ZYG11B: variants seen among roughly 807,000 people sequenced by gnomAD.
The protein encoded by ZYG11B is zyg-11 family member B, cell cycle regulator.
Under a neutral mutation model 82.4 loss-of-function variants are expected in ZYG11B, and 36 were observed. That is an observed-to-expected ratio of 0.44 (90% CI 0.33 to 0.58). The LOEUF (loss-of-function observed/expected upper bound fraction) is 0.58, where lower values mean the gene tolerates loss of function less well. Ranked by LOEUF, ZYG11B falls within the 20% of genes least tolerant of loss-of-function variation. The pLI is 0.02. For synonymous variants in ZYG11B, 303 were observed against 312.8 expected (o/e 0.97, Z 0.33); for missense variants, 552 against 895.6 (o/e 0.62, Z 4.90).
intron 8 of ZYG11B, 114 bp downstream of exon 8, chr1:52,796,898 AAT>A (rs1645011813): frequency 2.8e-5 from 3 of 108,476 alleles, no homozygotes; most frequent in Admixed American, 1.7e-4. Context: ...TATAATATAT[AAT>A]TATATATATA....
intron 2 of ZYG11B, among the ~76,000 whole-genome samples, chr1:52,767,869 C>T (rs1425828432): frequency 6.6e-6 from 1 of 152,180 alleles, no homozygotes; most frequent in Non-Finnish European, 1.5e-5. Context: ...AGCAGGGAAG[C>T]AGGTAGAGAA....
chr1:52,750,562 C>T (rs1202808146), intron 1 of ZYG11B, among the ~76,000 whole-genome samples: 2 of 152,168 alleles, frequency 1.3e-5, no homozygotes, highest in Non-Finnish European at 2.9e-5. Flanking sequence ...TGTGAGCCAT[C>T]GTGCCTGACT....
rs1558140686 is a variant in ZYG11B at position 52,803,267 on chromosome 1, CACACACACACACAT to C, written c.1695+1130_1695+1143del. Among the ~76,000 whole-genome samples, 166 of 78,560 alleles carry C rather than the reference CACACACACACACAT, an allele frequency of 2.1e-3. 8 individuals carry two copies. The highest frequency in any genetic ancestry group is 0.011 in the African/African-American group (151 of 13,606). 51.5% of individuals were successfully genotyped at this position (78,560 alleles called of 152,430 possible). A position where few individuals can be genotyped will look rare whatever the true frequency, so the allele number is the denominator to read the frequency against. On this transcript the variant is annotated intron_variant, in intron 10 of 13. Transcript: ENST00000294353. ...ACACACACATATATATATATATATA[CACACACACACACAT>C]ATATATATATATATATACACATATA...
At chr1:52,768,739 G>A (rs534027188) in intron 2 of ZYG11B, among the ~76,000 whole-genome samples, 36 of 151,856 alleles carry the variant, frequency 2.4e-4, no homozygotes, top group South Asian at 8.3e-4. Flanking sequence ...TATTACAGGC[G>A]CGCACCACCA....
intron 2 of ZYG11B, among the ~76,000 whole-genome samples, chr1:52,764,619 G>A (rs1477993918): frequency 6.6e-6 from 1 of 152,062 alleles, no homozygotes; most frequent in Non-Finnish European, 1.5e-5. Flanking sequence ...ATTTAAATAA[G>A]ACAATGAATG....
intron 8 of ZYG11B, 48 bp from the exon 9 acceptor site, chr1:52,801,771 A>T: frequency 6.8e-7 from 1 of 1,474,452 alleles, no homozygotes; most frequent in East Asian, 2.3e-5. Flanking sequence ...CACAAATTGT[A>T]ATAACAGTTC....
intron 3 of ZYG11B, among the ~76,000 whole-genome samples, chr1:52,776,076 G>A (rs1026541099): frequency 6.7e-6 from 1 of 148,620 alleles, no homozygotes; most frequent in African/African-American, 2.5e-5. Flanking sequence ...AAAATTAGCC[G>A]GGCGTGGTGG....
At chr1:52,805,091 CA>C (rs57893615) in intron 10 of ZYG11B, 3,200 of 112,070 alleles carry the variant, frequency 0.029, 90 homozygotes, top group African/African-American at 0.085. Context: ...AACTCTGTCT[CA>C]AAAAAAAAAA....
intron 7 of ZYG11B, 27 bp from the exon 8 acceptor site, chr1:52,796,707 T>C (rs1645009160): frequency 1.9e-6 from 3 of 1,586,114 alleles, no homozygotes; most frequent in Admixed American, 1.8e-5. Context: ...TTCTTGGACA[T>C]TGAATTTGTT....
At chr1:52,785,605 C>T (rs1571777660) in intron 5 of ZYG11B, among the ~76,000 whole-genome samples, 1 of 152,072 alleles carries the variant, frequency 6.6e-6, no homozygotes, top group South Asian at 2.1e-4. Flanking sequence ...TACAGGCGCG[C>T]ACCACCACAC....
At chr1:52,799,227 T>C (rs12096330) in intron 8 of ZYG11B, among the ~76,000 whole-genome samples, 16,384 of 151,744 alleles carry the variant, frequency 0.11, 1,971 homozygotes, top group East Asian at 0.35. Context: ...GTGGGTCACA[T>C]CTGTAATGCC....
At chr1:52,794,742 T>C (rs566364563) in intron 6 of ZYG11B, among the ~76,000 whole-genome samples, 1 of 152,246 alleles carries the variant, frequency 6.6e-6, no homozygotes, top group African/African-American at 2.4e-5. Flanking sequence ...TAATCAGATG[T>C]ATTCCTTGAC....
chr1:52,735,983 TAA>T (rs1197034821), intron 1 of ZYG11B, among the ~76,000 whole-genome samples: 1 of 152,170 alleles, frequency 6.6e-6, no homozygotes, highest in Admixed American at 6.6e-5. Flanking sequence ...GATACTCTGT[TAA>T]GTCTAACATC....
intron 1 of ZYG11B, among the ~76,000 whole-genome samples, chr1:52,736,905 A>G (rs1644382816): frequency 3.3e-5 from 5 of 152,004 alleles, no homozygotes; most frequent in African/African-American, 7.2e-5. Flanking sequence ...TGTTTTATGT[A>G]GTATACTAGG....
intron 1 of ZYG11B, among the ~76,000 whole-genome samples, chr1:52,747,065 A>G (rs1337540574): frequency 6.6e-6 from 1 of 151,740 alleles, no homozygotes; most frequent in Non-Finnish European, 1.5e-5. Context: ...GCATCCTCAT[A>G]TACAAAATGG....
chr1:52,754,691 T>G (rs1644556357), intron 1 of ZYG11B, among the ~76,000 whole-genome samples: 1 of 152,186 alleles, frequency 6.6e-6, no homozygotes, highest in African/African-American at 2.4e-5. Context: ...TCACTTTCTT[T>G]ATGGTGATCT....
rs1312897406 is a variant in ZYG11B at position 52,826,255 on chromosome 1, G to T, written c.*4626G>T. 1 of 152,178 alleles carries T rather than the reference G, an allele frequency of 6.6e-6. No homozygotes were observed. Among genetic ancestry groups the T allele is most frequent in the Non-Finnish European group, 1.5e-5 (1 of 68,028 alleles). 9.4% of individuals were successfully genotyped at this position (152,178 alleles called of 1,614,324 possible). On this transcript the variant is annotated 3_prime_UTR_variant, in exon 14 of 14. Coordinates refer to ENST00000294353, the MANE Select transcript of ZYG11B (RefSeq NM_024646.3). ...AATACTAACTTTGACACAGCTCCCA[G>T]AGAGGTTTGCAAACTTTTGGTTTCC...
In ZYG11B at chr1:52,824,003, T is replaced by A. The variant is rs1368331159; in HGVS notation, c.*2374T>A. 1 of 152,008 alleles carries A rather than the reference T, an allele frequency of 6.6e-6. No individual in the cohort carries two copies. The highest frequency in any genetic ancestry group is 1.5e-5 in the Non-Finnish European group (1 of 68,064). The allele number at this position is 152,008 out of a possible 1,614,324, so 9.4% of individuals were successfully genotyped here. A position where few individuals can be genotyped will look rare whatever the true frequency, so the allele number is the denominator to read the frequency against. ...AAAACTAGCTGGGCATGGTGGCTTT[T>A]TTGCACGCCTATAGTCCCAGCTACT... is the stretch of plus-strand genomic sequence containing the variant. On this transcript the variant is annotated 3_prime_UTR_variant, in exon 14 of 14. Coordinates refer to ENST00000294353, the MANE Select transcript of ZYG11B (RefSeq NM_024646.3).
In ZYG11B at chr1:52,771,714, A is replaced by G; in HGVS notation, c.891A>G (p.Val297=). ...AACAACGTCCAAGCATGCAATTTGT[A>G]GGTTTGCTGGCTACTGATGCTGGTT... ...FIQQRPSMQF[V]GLLATDAGYS... is the part of the protein sequence containing the mutation. Residue 297 remains valine (V), a synonymous_variant, in exon 3 of 14, where the codon GTA becomes GTG. Transcript: ENST00000294353. This position sits in a 1 kb window ranked among gnomAD's most constrained non-coding sequence, Gnocchi z 5.4. The G allele has an allele frequency of 6.2e-7, 1 of 1,614,152 alleles. No individual in the cohort carries two copies. Among genetic ancestry groups the G allele is most frequent in the Non-Finnish European group, 8.5e-7 (1 of 1,179,968 alleles).
Sources: gnomAD v4.1 joint callset for allele counts (sites outside exome capture counted in the v4.1 genomes callset) on GRCh38, gnomAD v4.1.1 for gene constraint, Gnocchi (gnomAD v3.1) non-coding constraint, MANE v1.5 for transcripts, NCBI Gene and HGNC (gene_info 2026-07-23, HGNC 2026-07-21) for gene names.